The following GALNT13 variants were observed in gnomAD, a reference collection of about 807,000 sequenced individuals.
GALNT13 encodes the protein UDP-GalNAc:polypeptide N-acetylgalactosaminyltransferase 13.
GALNT13 carries 28 observed loss-of-function variants against 64.2 expected under a neutral mutation model. That is an observed-to-expected ratio of 0.44 (90% CI 0.32 to 0.60). GALNT13 has a LOEUF of 0.60. Among genes scored for constraint, GALNT13 ranks in the 20% least tolerant of loss-of-function variants. The pLI is 0.05. For missense variants in GALNT13, 577 were observed against 669.8 expected, an observed-to-expected ratio of 0.86 and a Z score of 1.53; for synonymous variants, 214 against 224.6, an observed-to-expected ratio of 0.95 and a Z score of 0.42.
chr2:154,173,432 A>C (rs1685476888), intron 4 of GALNT13, among the ~76,000 whole-genome samples: 1 of 151,870 alleles, frequency 6.6e-6, no homozygotes, highest in African/African-American at 2.4e-5. Flanking sequence ...AAGACCTGAA[A>C]CAATGGAAGT....
chr2:153,766,317 T>C, the GALNT13 span, among the ~76,000 whole-genome samples: 16 of 152,152 alleles, frequency 1.1e-4, no homozygotes, highest in Non-Finnish European at 1.9e-4. Flanking sequence ...TTTGATAGTT[T>C]GATTATTATG....
chr2:154,424,178 T>C (rs1263676037), intron 11 of GALNT13, among the ~76,000 whole-genome samples: 1 of 152,098 alleles, frequency 6.6e-6, no homozygotes, highest in Non-Finnish European at 1.5e-5. Context: ...GGGAACATGA[T>C]GGAAAACCTA....
chr2:154,105,720 C>A (rs1036018413), intron 3 of GALNT13, among the ~76,000 whole-genome samples: 3 of 152,088 alleles, frequency 2.0e-5, no homozygotes, highest in Non-Finnish European at 4.4e-5. Context: ...CAGTGCTATC[C>A]CTTAGAATAT....
At chr2:153,446,996 C>T in the GALNT13 span, 15 of 152,124 alleles carry the variant, frequency 9.9e-5, no homozygotes, top group Non-Finnish European at 2.2e-4. Flanking sequence ...TCCAAATATA[C>T]ATAGACACAC....
chr2:153,743,953 C>T, the GALNT13 span, among the ~76,000 whole-genome samples: 2 of 152,078 alleles, frequency 1.3e-5, no homozygotes, highest in African/African-American at 2.4e-5. Flanking sequence ...GCTTATTTCA[C>T]TTAGCATCAT....
intron 8 of GALNT13, among the ~76,000 whole-genome samples, chr2:154,272,893 A>T (rs1477182845): frequency 6.6e-6 from 1 of 151,820 alleles, no homozygotes; most frequent in Non-Finnish European, 1.5e-5. Context: ...AATAACTTGT[A>T]AAAAAATAGC....
chr2:153,338,664 A>G, the GALNT13 span, among the ~76,000 whole-genome samples: 1 of 152,168 alleles, frequency 6.6e-6, no homozygotes, highest in African/African-American at 2.4e-5. Flanking sequence ...GCAATTTTCA[A>G]GTTTATGATA....
At chr2:153,962,596 T>C (rs1285678216) in intron 3 of GALNT13, among the ~76,000 whole-genome samples, 5 of 152,216 alleles carry the variant, frequency 3.3e-5, no homozygotes, top group Non-Finnish European at 7.3e-5. Context: ...AACTCATGGT[T>C]TAGCCAATAA....
chr2:153,575,172 C>A, the GALNT13 span, among the ~76,000 whole-genome samples: 1 of 152,098 alleles, frequency 6.6e-6, no homozygotes, highest in African/African-American at 2.4e-5. Flanking sequence ...TCTGGATTAC[C>A]AGGCAGAGAC....
the GALNT13 span, among the ~76,000 whole-genome samples, chr2:153,723,819 G>T: frequency 6.6e-6 from 1 of 150,626 alleles, no homozygotes; most frequent in African/African-American, 2.5e-5. Context: ...ACAAACAAAT[G>T]CAAGAACATT....
At chr2:153,197,385 G>A in the GALNT13 span, among the ~76,000 whole-genome samples, 158 of 152,346 alleles carry the variant, frequency 1.0e-3, no homozygotes, top group Non-Finnish European at 1.9e-3. Context: ...GGCTGTGATG[G>A]TTGTGGTGAG....
the GALNT13 span, among the ~76,000 whole-genome samples, chr2:153,810,913 T>A: frequency 6.6e-6 from 1 of 152,180 alleles, no homozygotes; most frequent in Non-Finnish European, 1.5e-5. Context: ...GTACAACCAC[T>A]TTGTGAGGTA....
chr2:154,147,699 C>T (rs1365776794), intron 4 of GALNT13, among the ~76,000 whole-genome samples: 1 of 151,826 alleles, frequency 6.6e-6, no homozygotes, highest in East Asian at 1.9e-4. Context: ...TTACCAAATA[C>T]CTATTTGTTT....
At chr2:153,277,224 C>T in the GALNT13 span, among the ~76,000 whole-genome samples, 1 of 152,246 alleles carries the variant, frequency 6.6e-6, no homozygotes, top group South Asian at 2.1e-4. Flanking sequence ...CGCTCTAGTA[C>T]TTGCCAGTGT....
At chr2:153,884,862 C>T (rs1163741552) in intron 1 of GALNT13, among the ~76,000 whole-genome samples, 10 of 112,264 alleles carry the variant, frequency 8.9e-5, no homozygotes, top group African/African-American at 2.9e-4. Context: ...TATATACACA[C>T]ACACACACAC....
At chr2:154,122,274 CTA>C (rs897361471) in intron 3 of GALNT13, among the ~76,000 whole-genome samples, 4 of 151,648 alleles carry the variant, frequency 2.6e-5, no homozygotes, top group African/African-American at 9.7e-5. Context: ...TTTAAGTAAT[CTA>C]GGATAAAAAA....
chr2:153,125,885 G>A, the GALNT13 span, among the ~76,000 whole-genome samples: 1 of 151,934 alleles, frequency 6.6e-6, no homozygotes, highest in African/African-American at 2.4e-5. Context: ...ATGGGTTTAT[G>A]TAGAGTATAG....
chr2:153,152,648 G>A, the GALNT13 span, among the ~76,000 whole-genome samples: 6 of 152,134 alleles, frequency 3.9e-5, no homozygotes, highest in East Asian at 1.2e-3. Flanking sequence ...GATAAGTGAG[G>A]ACATGTAGTA....
At chr2:153,647,608 T>G in the GALNT13 span, among the ~76,000 whole-genome samples, 1 of 152,206 alleles carries the variant, frequency 6.6e-6, no homozygotes, top group African/African-American at 2.4e-5. Context: ...GGTCTAACAT[T>G]GAAGTCTTTA....
Sources: gnomAD v4.1 joint callset for allele counts (sites outside exome capture counted in the v4.1 genomes callset) on GRCh38, gnomAD v4.1.1 for gene constraint, MANE v1.5 for transcripts, NCBI Gene and HGNC (gene_info 2026-07-23, HGNC 2026-07-21) for gene names.